The following TCN1 variants were observed in gnomAD, a reference collection of about 807,000 sequenced individuals.
TCN1 encodes the protein transcobalamin 1, also known as transcobalamin-1.
Under a neutral mutation model 46.3 loss-of-function variants are expected in TCN1, and 47 were observed. The observed-to-expected ratio is 1.01, with a 90% CI of 0.80 to 1.29. The LOEUF (loss-of-function observed/expected upper bound fraction) is 1.29. Among genes scored for constraint, TCN1 ranks in the 50% most tolerant of loss-of-function variants. The probability of loss-of-function intolerance (pLI) is 0.00; values close to 1 mark genes in which losing one functional copy is unlikely to be tolerated. For synonymous variants in TCN1, 183 were observed against 192.5 expected (o/e 0.95, Z 0.41); for missense variants, 532 against 511.0 (o/e 1.04, Z -0.40).
In TCN1 at chr11:59,863,963, A is replaced by T. The variant is rs778100406; in HGVS notation, c.203T>A (p.Ile68Asn). The change falls in exon 2 of 9, where the codon ATC becomes AAC. Residue 68 changes from isoleucine to asparagine, a missense_variant. Transcript: ENST00000257264. ...GATCATCTTTTGCATCAGGGTTTGG[A>T]TCTGGATTCCAACAAGTTTGAGGGA... is the stretch of plus-strand genomic sequence containing the variant. The part of the protein sequence containing the change: ...VLSLKLVGIQ[I>N]QTLMQKMIQQ... 3 of 1,613,866 alleles carry T rather than the reference A, an allele frequency of 1.9e-6. No individual in the cohort carries two copies. The highest frequency in any genetic ancestry group is 1.7e-5 in the Admixed American group (1 of 60,006).
intron 5 of TCN1, among the ~76,000 whole-genome samples, chr11:59,858,066 A>G (rs902423475): frequency 2.6e-5 from 4 of 152,236 alleles, no homozygotes; most frequent in Admixed American, 2.6e-4. Flanking sequence ...AATTAGGCAC[A>G]GTAGGAGATT....
Position 59,859,297 on chromosome 11 carries a change from C to T in TCN1, c.557-30G>A, listed in dbSNP as rs370403796. ...CAGGAAACAAAACATTGTTGATAGG[C>T]GACCAACCACCTCAGTTTGTCCTGG... On this transcript the variant is annotated intron_variant, in intron 4 of 8. Transcript: ENST00000257264. 22 of 1,609,178 alleles carry T rather than the reference C, an allele frequency of 1.4e-5. 1 individual carries two copies. The highest frequency in any genetic ancestry group is 4.0e-5 in the African/African-American group (3 of 74,872).
At chr11:59,862,847 C>T (rs922532462) in intron 2 of TCN1, 125 bp from the exon 3 acceptor site, 59 of 1,067,862 alleles carry the variant, frequency 5.5e-5, no homozygotes, top group Middle Eastern at 4.1e-4. Flanking sequence ...AGTCTTGTGT[C>T]GCTTAATGAT....
In TCN1 at chr11:59,861,578, G is replaced by A. The variant is rs1273915693; in HGVS notation, c.505C>T (p.His169Tyr). 2 of 1,613,976 alleles carry A rather than the reference G, an allele frequency of 1.2e-6. No homozygotes were observed. Among genetic ancestry groups the A allele is most frequent in the South Asian group, 2.2e-5 (2 of 91,086 alleles). The change falls in exon 4 of 9, where the codon CAC becomes TAC. Residue 169 changes from histidine to tyrosine, a missense_variant. Physicochemically the swap from His to Tyr is moderately conservative, Grantham distance 83 (BLOSUM62 2). Coordinates refer to ENST00000257264, the MANE Select transcript of TCN1 (RefSeq NM_001062.4). ...GNYSTAEVVN[H>Y]FTPENKNYYF... Reference sequence around the variant, plus strand: ...TAGTTTTTATTTTCAGGAGTGAAGTGGTTGACAACTTCGGCGGTTGAGTAG... The same window carrying A: ...TAGTTTTTATTTTCAGGAGTGAAGTAGTTGACAACTTCGGCGGTTGAGTAG...
chr11:59,856,471 G>A (rs1010180272), intron 5 of TCN1, among the ~76,000 whole-genome samples: 1 of 151,736 alleles, frequency 6.6e-6, no homozygotes, highest in Non-Finnish European at 1.5e-5. Flanking sequence ...AAAGAGGAGA[G>A]GAGCTCACAA....
Position 59,866,406 on chromosome 11 carries a change from AG to A in TCN1, c.64del (p.Leu22TyrfsTer7). 1 of 1,613,490 alleles carries A rather than the reference AG, an allele frequency of 6.2e-7. No homozygotes were observed. Among genetic ancestry groups the A allele is most frequent in the South Asian group, 1.1e-5 (1 of 91,070 alleles). On this transcript the variant is annotated frameshift_variant, in exon 1 of 9. Coordinates refer to ENST00000257264, the MANE Select transcript of TCN1 (RefSeq NM_001062.4). LOFTEE classifies it high-confidence loss of function. ...AGTTTACTCACCACAAATCTCGCAT[AG>A]TTGGCTTGGAATAAAAGAAAACAGT... is the stretch of plus-strand genomic sequence containing the variant. ...LLLFSFIPSQ[L>X]CEICEVSEEN...
In TCN1 at chr11:59,853,249, G is replaced by A. The variant is rs750920684; in HGVS notation, c.1194C>T (p.Asp398=). 1.2e-6 allele frequency: 2 copies of A among 1,614,110 alleles called. No homozygotes were observed. The highest frequency in any genetic ancestry group is 3.3e-5 in the Admixed American group (2 of 60,006). Residue 398 remains aspartate (D), a synonymous_variant, in exon 8 of 9, where the codon GAC becomes GAT. Coordinates refer to ENST00000257264, the MANE Select transcript of TCN1 (RefSeq NM_001062.4). ...CIQGLCANNN[D]RTYWELLSGG... The stretch of plus-strand genomic sequence containing the variant: ...CACTCAGAAGTTCCCAGTAGGTTCT[G>A]TCATTATTGTTGGCACATAGGCCCT...
rs1465625788 is a variant in TCN1 at position 59,854,082 on chromosome 11, GT to G, written c.1121+569del. On this transcript the variant is annotated intron_variant, in intron 7 of 8. Coordinates refer to ENST00000257264, the MANE Select transcript of TCN1 (RefSeq NM_001062.4). ...AGCGAGGGCAGGGAGAAGCTTCAGGGTATCTGTGAAACCCTCAGTTGAAATG... is the reference window on the plus strand; with the variant it reads ...AGCGAGGGCAGGGAGAAGCTTCAGGGATCTGTGAAACCCTCAGTTGAAATG... 2.0e-5 allele frequency among the ~76,000 whole-genome samples: 3 copies of G among 151,422 alleles called. No individual in the cohort carries two copies. The East Asian group carries it at 5.8e-4, about 29-fold the overall frequency.
At chr11:59,861,257 A>G (rs1345275099) in intron 4 of TCN1, among the ~76,000 whole-genome samples, 1 of 152,218 alleles carries the variant, frequency 6.6e-6, no homozygotes, top group Non-Finnish European at 1.5e-5. Context: ...AAATGGAAAA[A>G]TTAAGATCAA....
intron 5 of TCN1, 94 bp from the exon 6 acceptor site, chr11:59,856,152 A>G: frequency 2.1e-6 from 2 of 972,148 alleles, no homozygotes; most frequent in Non-Finnish European, 3.2e-6. Context: ...AGCCTTATCT[A>G]TAACTATATA....
At chr11:59,863,337 T>G (rs1004550313) in intron 2 of TCN1, among the ~76,000 whole-genome samples, 1 of 150,908 alleles carries the variant, frequency 6.6e-6, no homozygotes, top group African/African-American at 2.4e-5. Flanking sequence ...AGATCTTGGG[T>G]TTTTTTTTCT....
chr11:59,858,440 TGTGA>T (rs1203875009), intron 5 of TCN1, among the ~76,000 whole-genome samples: 12 of 152,166 alleles, frequency 7.9e-5, no homozygotes, highest in African/African-American at 2.9e-4. Flanking sequence ...CTACTGTGTG[TGTGA>T]AAGTGTAAAC....
chr11:59,859,403 T>C, intron 4 of TCN1, 136 bp from the exon 5 acceptor site: 4 of 881,670 alleles, frequency 4.5e-6, no homozygotes, highest in Non-Finnish European at 5.6e-6. Flanking sequence ...TTGGTCATGC[T>C]AATTGGTGAA....
At chr11:59,861,751 C>T (rs1853017954) in intron 3 of TCN1, 69 bp from the exon 4 acceptor site, 4 of 1,522,744 alleles carry the variant, frequency 2.6e-6, no homozygotes, top group Admixed American at 1.7e-5. Context: ...TCCATCTATT[C>T]CTACTTACTC....
intron 7 of TCN1, among the ~76,000 whole-genome samples, chr11:59,854,146 C>G (rs764083476): frequency 1.3e-5 from 2 of 151,320 alleles, no homozygotes; most frequent in African/African-American, 2.5e-5. Context: ...AATCCCAGCA[C>G]TTTGGGAGGC....
intron 7 of TCN1, among the ~76,000 whole-genome samples, chr11:59,854,215 G>T (rs1482208799): frequency 6.6e-6 from 1 of 150,936 alleles, no homozygotes; most frequent in African/African-American, 2.5e-5. Flanking sequence ...AACATAGTAA[G>T]ATGCTGTCTG....
At chr11:59,858,830 C>T (rs926945385) in intron 5 of TCN1, among the ~76,000 whole-genome samples, 7 of 151,994 alleles carry the variant, frequency 4.6e-5, no homozygotes, top group African/African-American at 1.5e-4. Context: ...ATTAGCCGGG[C>T]GTGGTGGTGG....
In TCN1 at chr11:59,853,296, C is replaced by A. The variant is rs371013960; in HGVS notation, c.1147G>T (p.Gly383Trp). 5.9e-5 allele frequency: 95 copies of A among 1,613,918 alleles called. No homozygotes were observed. Among genetic ancestry groups the A allele is most frequent in the Non-Finnish European group, 7.7e-5 (91 of 1,180,004 alleles). ...CCCTGAATACAGGTGATATAGGGCC[C>A]CCATGAGCGCTCCTCCATTGTGAAA... ...FGFTMEERSW[G>W]PYITCIQGLC... Residue 383 changes from glycine (G) to tryptophan (W), a missense_variant, in exon 8 of 9, where the codon GGG becomes TGG. By Grantham distance (184) the Gly-to-Trp change is radical. Coordinates refer to ENST00000257264, the MANE Select transcript of TCN1 (RefSeq NM_001062.4).
intron 7 of TCN1, 116 bp from the exon 8 acceptor site, chr11:59,853,437 A>C: frequency 1.0e-6 from 1 of 974,180 alleles, no homozygotes; most frequent in South Asian, 1.3e-5. Flanking sequence ...ATAAAAATGC[A>C]GATTTCCTGG....
Sources: allele counts gnomAD v4.1 joint callset (sites outside exome capture counted in the v4.1 genomes callset), GRCh38; gene constraint gnomAD v4.1.1; transcripts MANE v1.5; gene names NCBI Gene and HGNC (gene_info 2026-07-23, HGNC 2026-07-21).